The following LPIN2 variants were observed in gnomAD, a reference collection of about 807,000 sequenced individuals.
LPIN2 encodes phosphatidate phosphatase LPIN2.
Under a neutral mutation model 111.4 loss-of-function variants are expected in LPIN2, and 55 were observed. The ratio of observed to expected loss-of-function variants is 0.49; its 90% CI spans 0.40 to 0.62. The LOEUF is 0.62. LPIN2 is among the 20% of genes least tolerant of loss of function. The pLI, the probability that LPIN2 is intolerant of heterozygous loss-of-function variation, is 0.00. For synonymous variants in LPIN2, 425 were observed against 414.0 expected, an observed-to-expected ratio of 1.03 and a Z score of -0.32; for missense variants, 992 against 1,112.1, an observed-to-expected ratio of 0.89 and a Z score of 1.54.
chr18:2,974,851 T>G (rs953396961), intron 1 of LPIN2, among the ~76,000 whole-genome samples: 8 of 152,040 alleles, frequency 5.3e-5, no homozygotes, highest in African/African-American at 1.9e-4. Flanking sequence ...TAAAAAGTAG[T>G]TGGGTGTGGT....
chr18:2,962,944 G>C (rs1387026582), intron 1 of LPIN2, among the ~76,000 whole-genome samples: 1 of 152,146 alleles, frequency 6.6e-6, no homozygotes, highest in Non-Finnish European at 1.5e-5. Context: ...ATCAACTACA[G>C]CATAAAATTC....
chr18:2,955,768 G>A (rs115443412), intron 2 of LPIN2, among the ~76,000 whole-genome samples: 4,384 of 151,928 alleles, frequency 0.029, 194 homozygotes, highest in African/African-American at 0.1. Flanking sequence ...ATACAAAATC[G>A]GCTGGGCATG....
At chr18:2,923,449 A>AT (rs770814073) in intron 16 of LPIN2, among the ~76,000 whole-genome samples, 5 of 143,756 alleles carry the variant, frequency 3.5e-5, no homozygotes, top group Admixed American at 6.9e-5. Flanking sequence ...AAAAAAAAAA[A>AT]TTTAAAATAC....
intron 1 of LPIN2, chr18:2,982,805 G>T: frequency 9.9e-7 from 1 of 1,007,588 alleles, no homozygotes; most frequent in African/African-American, 1.7e-5. Context: ...TTTCAGAGAT[G>T]AAGGTATATA....
chr18:2,953,011 G>A (rs1017348286), intron 3 of LPIN2, among the ~76,000 whole-genome samples: 3 of 152,150 alleles, frequency 2.0e-5, no homozygotes, highest in Admixed American at 1.3e-4. Context: ...TCTAAATGAC[G>A]AACCCCTAGA....
chr18:2,926,257 T>C (rs2077128722), intron 13 of LPIN2, among the ~76,000 whole-genome samples: 1 of 152,194 alleles, frequency 6.6e-6, no homozygotes, highest in African/African-American at 2.4e-5. Context: ...GAAGCAAGCA[T>C]GCACTGGCCG....
Position 3,012,266 on chromosome 18 carries a change from A to T in LPIN2, c.-10+821T>A, listed in dbSNP as rs186189334. 2.0e-5 allele frequency among the ~76,000 whole-genome samples: 3 copies of T among 152,342 alleles called. No homozygotes were observed. In the East Asian group the frequency reaches 5.8e-4, roughly 29 times the overall value. On this transcript the variant is annotated intron_variant, in intron 1 of 19. Transcript: ENST00000677752. ...TAAGTAGTCCTTCAAAGCATTTCCA[A>T]GTATTCAGAGTTCCAGTACTTTTCG...
Position 2,972,671 on chromosome 18 carries a change from C to T in LPIN2, c.-9-11822G>A, listed in dbSNP as rs1257493671. ...TGTGTGGCTTAAGGAGATCCTAAAA[C>T]GGTAAGCAGCACCCTCAAAAGGGGG... On this transcript the variant is annotated intron_variant, in intron 1 of 19. Transcript: ENST00000677752. 2.6e-5 allele frequency among the ~76,000 whole-genome samples: 4 copies of T among 152,282 alleles called. No individual in the cohort carries two copies. In the South Asian group the frequency reaches 6.2e-4, roughly 24 times the overall value.
Position 2,951,209 on chromosome 18 carries a change from T to C in LPIN2, c.436A>G (p.Ile146Val), listed in dbSNP as rs2143107101. 1 of 1,614,160 alleles carries C rather than the reference T, an allele frequency of 6.2e-7. No homozygotes were observed. Among genetic ancestry groups the C allele is most frequent in the African/African-American group, 1.3e-5 (1 of 75,036 alleles). Residue 146 changes from isoleucine to valine, a missense_variant, in exon 4 of 20, where the codon ATT (isoleucine) becomes GTT (valine). Ile to Val is a conservative substitution (Grantham distance 29). This residue lies in a region of LPIN2 where 709 missense variants were observed against 753.2 expected (regional missense o/e 0.94). Transcript: ENST00000677752. ...TTTTTCACAGAACTTGGAGTAAAAA[T>C]TGTCTCTGTTTCCAAGACGTGTGAG... ...DISHVLETET[I>V]FTPSSVKKKK...
chr18:3,009,201 T>G (rs1460843988), intron 1 of LPIN2, among the ~76,000 whole-genome samples: 1 of 151,726 alleles, frequency 6.6e-6, no homozygotes, highest in African/African-American at 2.4e-5. Context: ...AGATCAACAC[T>G]ATTCTGGCTA....
At chr18:2,940,828 T>C (rs1413438379) in intron 4 of LPIN2, 116 bp from the exon 5 acceptor site, 8 of 701,110 alleles carry the variant, frequency 1.1e-5, no homozygotes, top group South Asian at 7.5e-5. Flanking sequence ...AAATGATTAC[T>C]AACTCTCTCT....
At chr18:2,951,968 T>C (rs2077544267) in intron 3 of LPIN2, among the ~76,000 whole-genome samples, 1 of 152,232 alleles carries the variant, frequency 6.6e-6, no homozygotes, top group African/African-American at 2.4e-5. Context: ...TATTCCTTCC[T>C]GTAGGAATTC....
At chr18:2,963,702 CA>C (rs917788511) in intron 1 of LPIN2, among the ~76,000 whole-genome samples, 3 of 151,794 alleles carry the variant, frequency 2.0e-5, no homozygotes, top group African/African-American at 7.3e-5. Context: ...ACACAAAAAG[CA>C]AAATGTGGAA....
chr18:2,965,251 ATT>A (rs1353182300), intron 1 of LPIN2, among the ~76,000 whole-genome samples: 1 of 152,228 alleles, frequency 6.6e-6, no homozygotes, highest in African/African-American at 2.4e-5. Context: ...CATGCATAAA[ATT>A]TGACAGTGCC....
chr18:2,928,549 G>A, intron 11 of LPIN2, 42 bp downstream of exon 11: 1 of 1,582,162 alleles, frequency 6.3e-7, no homozygotes, highest in Non-Finnish European at 8.7e-7. Context: ...ACTAGACACT[G>A]CGGATGCTTT....
intron 1 of LPIN2, among the ~76,000 whole-genome samples, chr18:2,993,760 A>G (rs951925425): frequency 1.3e-5 from 2 of 152,220 alleles, no homozygotes; most frequent in Admixed American, 6.5e-5. Context: ...AAGTAACCCT[A>G]GAGAATATAT....
At position 2,937,691 on chromosome 18, in the gene LPIN2, C is replaced by G; in HGVS notation, c.1168+1G>C. On this transcript the variant is annotated splice_donor_variant, in intron 7 of 19. Coordinates refer to ENST00000677752, the MANE Select transcript of LPIN2 (RefSeq NM_001375808.2). LOFTEE classifies it high-confidence loss of function. ...TGGAGCCAAATTAAACAAACGATTA[C>G]CTTTCTTCTTTGACGGCGAGTCTAC... is the stretch of plus-strand genomic sequence containing the variant. 1 of 1,613,540 alleles carries G rather than the reference C, an allele frequency of 6.2e-7. No homozygotes were observed. The highest frequency in any genetic ancestry group is 8.5e-7 in the Non-Finnish European group (1 of 1,179,652).
At chr18:2,978,871 A>G (rs1021177787) in intron 1 of LPIN2, 1 of 152,260 alleles carries the variant, frequency 6.6e-6, no homozygotes, top group Non-Finnish European at 1.5e-5. Flanking sequence ...AATCCTCATG[A>G]TCAGGCCACC....
At chr18:2,928,746 G>T in intron 10 of LPIN2, 86 bp from the exon 11 acceptor site, 2 of 972,166 alleles carry the variant, frequency 2.1e-6, no homozygotes, top group East Asian at 2.5e-5. Context: ...GAGGGAGGAG[G>T]GAAGTGACAT....
Sources: allele counts gnomAD v4.1 joint callset (sites outside exome capture counted in the v4.1 genomes callset), GRCh38; gene constraint gnomAD v4.1.1; regional missense constraint gnomAD v4.1.1; transcripts MANE v1.5; gene names NCBI Gene and HGNC (gene_info 2026-07-23, HGNC 2026-07-21).